Variants in ITGA3 observed in about 807,000 individuals in gnomAD.
ITGA3 encodes the protein integrin alpha-3.
In ITGA3, 70 loss-of-function variants were observed where a neutral mutation model predicts 131.1. The observed-to-expected ratio is 0.53, with a 90% CI of 0.44 to 0.65. The LOEUF (loss-of-function observed/expected upper bound fraction) is 0.65, where lower values mean the gene tolerates loss of function less well. Among genes scored for constraint, ITGA3 ranks in the 30% least tolerant of loss-of-function variants. ITGA3 has a pLI of 0.00. For synonymous variants in ITGA3, 537 were observed against 571.6 expected (o/e 0.94, Z 0.86); for missense variants, 1,098 against 1,388.6 (o/e 0.79, Z 3.33).
At position 50,072,028 on chromosome 17, in the gene ITGA3, G is replaced by A; in HGVS notation, c.1002G>A (p.Arg334=). 1 of 1,614,010 alleles carries A rather than the reference G, an allele frequency of 6.2e-7. No individual in the cohort carries two copies. Among genetic ancestry groups the A allele is most frequent in the Non-Finnish European group, 8.5e-7 (1 of 1,179,966 alleles). ...LLVGAPYYFE[R]KEEVGGAIYV... ...TGGGCGCCCCCTACTACTTCGAGAG[G>A]AAAGAGGAAGTAGGGGGTGCCATCT... is the stretch of plus-strand genomic sequence containing the variant. Residue 334 remains arginine, a synonymous_variant, in exon 7 of 26, where the codon AGG becomes AGA. Coordinates refer to ENST00000320031, the MANE Select transcript of ITGA3 (RefSeq NM_002204.4).
rs1286402594 is a variant in ITGA3 at position 50,075,670 on chromosome 17, G to A, written c.1609G>A (p.Ala537Thr). The change falls in exon 12 of 26, where the codon GCT (alanine) becomes ACT (threonine). Residue 537 changes from alanine (A) to threonine (T), a missense_variant. Physicochemically the swap from Ala to Thr is moderately conservative, Grantham distance 58. Coordinates refer to ENST00000320031, the MANE Select transcript of ITGA3 (RefSeq NM_002204.4). ...PRLRFAGSES[A>T]VFHGFFSMPE... is the part of the protein sequence containing the mutation. The stretch of plus-strand genomic sequence containing the variant: ...GCTCCGCTTTGCCGGCAGTGAGTCC[G>A]CTGTCTTCCACGGCTTCTTCTCCAT... The A allele has an allele frequency of 2.5e-6, 4 of 1,614,204 alleles. No homozygotes were observed. The highest frequency in any genetic ancestry group is 4.5e-5 in the East Asian group (2 of 44,882).
Position 50,079,163 on chromosome 17 carries a change from C to A in ITGA3, c.2488C>A (p.Leu830Met), listed in dbSNP as rs1196831153. ...CTACGAAGTCAGCAATGGCAAGTGGCTGCTGTATCCCACGGAGATCACCGT... is the reference window on the plus strand; with the variant it reads ...CTACGAAGTCAGCAATGGCAAGTGGATGCTGTATCCCACGGAGATCACCGT... The part of the protein sequence containing the change: ...WPYEVSNGKW[L>M]LYPTEITVHG... Residue 830 changes from leucine to methionine, a missense_variant, in exon 20 of 26, where the codon CTG (leucine) becomes ATG (methionine). Leu to Met is a conservative substitution (Grantham distance 15). Coordinates refer to ENST00000320031, the MANE Select transcript of ITGA3 (RefSeq NM_002204.4). 4 of 1,613,888 alleles carry A rather than the reference C, an allele frequency of 2.5e-6. No individual in the cohort carries two copies. The highest frequency in any genetic ancestry group is 3.4e-6 in the Non-Finnish European group (4 of 1,179,962).
intron 15 of ITGA3, 68 bp from the exon 16 acceptor site, chr17:50,077,311 C>G (rs1442055079): frequency 1.4e-6 from 2 of 1,437,212 alleles, no homozygotes; most frequent in African/African-American, 2.8e-5. Context: ...TCTGACCTTG[C>G]ACCACAGAGG....
At chr17:50,071,650 T>C (rs1279715979) in intron 6 of ITGA3, 132 bp downstream of exon 6, 2 of 864,986 alleles carry the variant, frequency 2.3e-6, no homozygotes, top group African/African-American at 3.4e-5. Flanking sequence ...AGGTTTGCAG[T>C]CAGGCTTTAT....
chr17:50,088,382 G>GGCCCCCTTCCCCGA lies in ITGA3; in HGVS notation c.*31+22_*31+35dup. Reference sequence around the variant, plus strand: ...GCCCACCTGGGTAACACGGCCTCCGGGCCCCCTTCCCCGAGCCCCACAGCT... The same window carrying GGCCCCCTTCCCCGA: ...GCCCACCTGGGTAACACGGCCTCCGGGCCCCCTTCCCCGAGCCCCCTTCCCCGAGCCCCACAGCT... On this transcript the variant is annotated intron_variant, in intron 25 of 25. Transcript: ENST00000320031. The GGCCCCCTTCCCCGA allele has an allele frequency of 7.1e-7, 1 of 1,415,928 alleles. No individual in the cohort carries two copies. The highest frequency in any genetic ancestry group is 2.5e-5 in the East Asian group (1 of 40,302). 87.7% of individuals were successfully genotyped at this position (1,415,928 alleles called of 1,614,324 possible).
At chr17:50,071,273 G>T in intron 5 of ITGA3, 38 bp from the exon 6 acceptor site, 2 of 1,581,380 alleles carry the variant, frequency 1.3e-6, no homozygotes, top group South Asian at 2.2e-5. Flanking sequence ...AGACGAAGTT[G>T]ACTGGGACCT....
chr17:50,078,974 A>G lies in ITGA3; in HGVS notation c.2400+48A>G, dbSNP rs768784254. The G allele has an allele frequency of 3.9e-6, 6 of 1,527,502 alleles. No individual in the cohort carries two copies. The Admixed American group carries it at 6.7e-5, about 17-fold the overall frequency. 94.6% of individuals were successfully genotyped at this position (1,527,502 alleles called of 1,614,324 possible). On this transcript the variant is annotated intron_variant, in intron 19 of 25. Coordinates refer to ENST00000320031, the MANE Select transcript of ITGA3 (RefSeq NM_002204.4). ...GGGCTGGGGACTTCTAGGAAGGATT[A>G]TTTTTATTTTCTCTGGGGTCTGAAG...
In ITGA3 at chr17:50,080,349, C is replaced by A; in HGVS notation, c.2794C>A (p.Arg932=). 6.2e-7 allele frequency: 1 copy of A among 1,612,650 alleles called. No homozygotes were observed. The highest frequency in any genetic ancestry group is 8.5e-7 in the Non-Finnish European group (1 of 1,179,204). ...TGTCACCAACGTGACTGTGAAGGCACGAGTGTGGAACAGCACCTTCATCGA... is the reference window on the plus strand; with the variant it reads ...TGTCACCAACGTGACTGTGAAGGCAAGAGTGTGGAACAGCACCTTCATCGA... ...PVVTNVTVKA[R]VWNSTFIEDY... Residue 932 remains arginine (R), a synonymous_variant, in exon 22 of 26, where the codon CGA becomes AGA. Transcript: ENST00000320031.
rs1465374615 is a variant in ITGA3 at position 50,072,190 on chromosome 17, C to T, written c.1156+8C>T. On this transcript the variant is annotated splice_region_variant and intron_variant, in intron 7 of 25. Coordinates refer to ENST00000320031, the MANE Select transcript of ITGA3 (RefSeq NM_002204.4). ...ACCAGGATGGATTTCAGGGTATGAG[C>T]CAGCACTCCTCCCCCAGCACCCCTC... 2 of 1,608,416 alleles carry T rather than the reference C, an allele frequency of 1.2e-6. No individual in the cohort carries two copies. The highest frequency in any genetic ancestry group is 1.7e-5 in the Admixed American group (1 of 59,842).
intron 16 of ITGA3, 59 bp from the exon 17 acceptor site, chr17:50,077,987 T>G: frequency 5.7e-6 from 8 of 1,410,798 alleles, no homozygotes; most frequent in Non-Finnish European, 6.9e-6. Context: ...TCCTTCCCCA[T>G]GACATCACCC....
At chr17:50,062,055 AAG>A (rs1491018951) in intron 1 of ITGA3, among the ~76,000 whole-genome samples, 1 of 151,088 alleles carries the variant, frequency 6.6e-6, no homozygotes, top group Non-Finnish European at 1.5e-5. Flanking sequence ...AAAAAAAAAA[AAG>A]AAAGAAAAAA....
At chr17:50,072,328 G>A in intron 7 of ITGA3, 146 bp downstream of exon 7, 2 of 700,042 alleles carry the variant, frequency 2.9e-6, no homozygotes, top group Non-Finnish European at 4.8e-6. Context: ...GCTCGCAGCA[G>A]TACTAGAGAG....
chr17:50,070,862 A>G lies in ITGA3; in HGVS notation c.683A>G (p.Gln228Arg), dbSNP rs770624378. 1.9e-6 allele frequency: 3 copies of G among 1,610,792 alleles called. No individual in the cohort carries two copies. Among genetic ancestry groups the G allele is most frequent in the South Asian group, 2.2e-5 (2 of 91,004 alleles). ...YNWKGNSYMI[Q>R]RKEWDLSEYS... is the part of the protein sequence containing the mutation. Reference sequence around the variant, plus strand: ...TGTGAAGGAAACAGCTACATGATTCAGCGCAAGGAGTGGGACTTATCTGAG... The same window carrying G: ...TGTGAAGGAAACAGCTACATGATTCGGCGCAAGGAGTGGGACTTATCTGAG... Residue 228 changes from glutamine (Q) to arginine (R), a missense_variant, in exon 5 of 26, where the codon CAG becomes CGG. Physicochemically the swap from Gln to Arg is conservative, Grantham distance 43. This residue lies in a region of ITGA3 where 356 missense variants were observed against 529.2 expected (regional missense o/e 0.67). Transcript: ENST00000320031.
chr17:50,078,084 C>G lies in ITGA3; in HGVS notation c.2178C>G (p.Thr726=), dbSNP rs746792136. The change falls in exon 17 of 26, where the codon ACC becomes ACG. Residue 726 remains threonine (T), a synonymous_variant. Transcript: ENST00000320031. ...LLIAFEVIGV[T]LHTRDLQVQL... ...TCGCCTTTGAGGTCATCGGGGTGAC[C>G]CTGCACACAAGGGACCTTCAGGTGC... The G allele has an allele frequency of 3.7e-6, 6 of 1,613,570 alleles. No homozygotes were observed. Among genetic ancestry groups the G allele is most frequent in the African/African-American group, 1.3e-5 (1 of 74,900 alleles).
chr17:50,088,383 G>A lies in ITGA3; in HGVS notation c.*31+17G>A, dbSNP rs1909564298. 2 of 1,407,396 alleles carry A rather than the reference G, an allele frequency of 1.4e-6. No individual in the cohort carries two copies. Among genetic ancestry groups the A allele is most frequent in the Non-Finnish European group, 9.8e-7 (1 of 1,017,520 alleles). The allele number at this position is 1,407,396 out of a possible 1,614,324, so 87.2% of individuals were successfully genotyped here. A position where few individuals can be genotyped will look rare whatever the true frequency, so the allele number is the denominator to read the frequency against. ...CCCACCTGGGTAACACGGCCTCCGG[G>A]CCCCCTTCCCCGAGCCCCACAGCTG... is the stretch of plus-strand genomic sequence containing the variant. On this transcript the variant is annotated intron_variant, in intron 25 of 25. Transcript: ENST00000320031.
At chr17:50,068,340 G>T in intron 4 of ITGA3, 35 bp downstream of exon 4, 1 of 1,604,924 alleles carries the variant, frequency 6.2e-7, no homozygotes, top group South Asian at 1.1e-5. Context: ...AAGAAAGGAA[G>T]AGCAGAGACC....
chr17:50,086,224 TTA>T (rs1434325060), intron 23 of ITGA3: 28 of 9,548 alleles, frequency 2.9e-3, no homozygotes, highest in African/African-American at 4.8e-3. Context: ...ATATATTAGA[TTA>T]TATATATTAT....
intron 7 of ITGA3, among the ~76,000 whole-genome samples, chr17:50,072,750 A>T (rs1908689228): frequency 1.3e-5 from 2 of 151,998 alleles, no homozygotes; most frequent in African/African-American, 2.4e-5. Context: ...AGGCCAGGGG[A>T]GTTAAGATCA....
chr17:50,078,792 C>T (rs751055548), intron 18 of ITGA3, 32 bp from the exon 19 acceptor site: 28 of 1,356,502 alleles, frequency 2.1e-5, no homozygotes, highest in Middle Eastern at 1.8e-4. Context: ...GTCTCTTGTC[C>T]CCCGTGACTC....
Sources: allele counts gnomAD v4.1 joint callset (sites outside exome capture counted in the v4.1 genomes callset), GRCh38; gene constraint gnomAD v4.1.1; regional missense constraint gnomAD v4.1.1; transcripts MANE v1.5; gene names NCBI Gene and HGNC (gene_info 2026-07-23, HGNC 2026-07-21).